Variants in FGFR2 observed in about 807,000 individuals in gnomAD.
FGFR2 encodes the protein BEK fibroblast growth factor receptor.
Under a neutral mutation model 95.9 loss-of-function variants are expected in FGFR2, and 19 were observed. The observed-to-expected ratio is 0.20, with a 90% CI of 0.14 to 0.29. The LOEUF (loss-of-function observed/expected upper bound fraction) is 0.29. Among genes scored for constraint, FGFR2 ranks in the 10% least tolerant of loss-of-function variants. FGFR2 has a pLI of 1.00. For synonymous variants in FGFR2, 392 were observed against 393.3 expected (o/e 1.00, Z 0.04); for missense variants, 707 against 1,056.9 (o/e 0.67, Z 4.59).
In FGFR2 at chr10:121,487,383, A is replaced by G. The variant is rs766703071; in HGVS notation, c.2028T>C (p.Phe676=). Residue 676 remains phenylalanine (F), a synonymous_variant, in exon 15 of 18, where the codon TTT becomes TTC. Coordinates refer to ENST00000358487, the MANE Select transcript of FGFR2 (RefSeq NM_000141.5). ...PVKWMAPEAL[F]DRVYTHQSDV... ...CACTCTGATGAGTGTATACTCTATC[A>G]AACAGGGCTTCTGGAGCCATCCACT... The G allele has an allele frequency of 2.5e-5, 40 of 1,614,110 alleles. No homozygotes were observed. Among genetic ancestry groups the G allele is most frequent in the Non-Finnish European group, 3.4e-5 (40 of 1,180,038 alleles).
At chr10:121,524,756 G>A (rs1001526396) in intron 6 of FGFR2, among the ~76,000 whole-genome samples, 3 of 152,168 alleles carry the variant, frequency 2.0e-5, no homozygotes, top group African/African-American at 7.2e-5. Flanking sequence ...CCCCCTTCGT[G>A]GCCTGGCCCA....
At chr10:121,495,486 C>T (rs923012916) in intron 13 of FGFR2, among the ~76,000 whole-genome samples, 7 of 152,118 alleles carry the variant, frequency 4.6e-5, no homozygotes, top group Non-Finnish European at 7.3e-5. Flanking sequence ...TGTGATTATG[C>T]CACGGCACTC....
At chr10:121,587,236 A>G (rs2135420235) in intron 2 of FGFR2, among the ~76,000 whole-genome samples, 1 of 152,288 alleles carries the variant, frequency 6.6e-6, no homozygotes, top group East Asian at 1.9e-4. Context: ...CCTTCCTTAT[A>G]CCATATACAA....
At chr10:121,537,328 C>G (rs1055428455) in intron 6 of FGFR2, among the ~76,000 whole-genome samples, 6 of 152,232 alleles carry the variant, frequency 3.9e-5, no homozygotes, top group African/African-American at 1.4e-4. Flanking sequence ...CTTTCTAAGG[C>G]AGAGTGTCTC....
intron 13 of FGFR2, among the ~76,000 whole-genome samples, chr10:121,490,071 A>T (rs979766710): frequency 2.0e-5 from 3 of 152,064 alleles, no homozygotes; most frequent in Non-Finnish European, 4.4e-5. Context: ...GAAATATTAA[A>T]TACTTGCTGC....
At chr10:121,528,238 AT>A (rs1182581955) in intron 6 of FGFR2, among the ~76,000 whole-genome samples, 1 of 152,208 alleles carries the variant, frequency 6.6e-6, no homozygotes, top group Non-Finnish European at 1.5e-5. Flanking sequence ...ACCTTTACAA[AT>A]CTGTCCTAGA....
At chr10:121,575,140 A>G (rs912193704) in intron 2 of FGFR2, among the ~76,000 whole-genome samples, 1 of 152,096 alleles carries the variant, frequency 6.6e-6, no homozygotes, top group African/African-American at 2.4e-5. Flanking sequence ...ATTTAGGCAC[A>G]CCCCTCATAT....
chr10:121,538,769 A>C, intron 5 of FGFR2, 54 bp from the exon 6 acceptor site: 1 of 1,611,532 alleles, frequency 6.2e-7, no homozygotes, highest in Non-Finnish European at 8.5e-7. Context: ...CAGAATACCA[A>C]GTACTGTGCT....
chr10:121,568,478 C>T (rs749706138), intron 2 of FGFR2, among the ~76,000 whole-genome samples: 15 of 152,222 alleles, frequency 9.9e-5, no homozygotes, highest in African/African-American at 3.4e-4. Context: ...CCAGGGCAGC[C>T]GCTGAGCAGA....
At chr10:121,527,854 C>T (rs1432091699) in intron 6 of FGFR2, 1 of 152,246 alleles carries the variant, frequency 6.6e-6, no homozygotes, top group South Asian at 2.1e-4. Flanking sequence ...GAGGTAAACA[C>T]AGCTGAGAGC....
chr10:121,523,224 T>C (rs1369774048), intron 6 of FGFR2, among the ~76,000 whole-genome samples: 1 of 152,196 alleles, frequency 6.6e-6, no homozygotes, highest in Non-Finnish European at 1.5e-5. Context: ...ATATTGCCCA[T>C]GTAGGCTGAG....
intron 8 of FGFR2, among the ~76,000 whole-genome samples, chr10:121,516,853 A>T (rs1849759090): frequency 6.6e-6 from 1 of 152,218 alleles, no homozygotes; most frequent in South Asian, 2.1e-4. Context: ...TGCATCTGAC[A>T]TTCAGAGGTG....
At chr10:121,492,021 C>CA (rs1257186952) in intron 13 of FGFR2, among the ~76,000 whole-genome samples, 1 of 151,230 alleles carries the variant, frequency 6.6e-6, no homozygotes, top group Non-Finnish European at 1.5e-5. Context: ...CCGTCTCTAC[C>CA]AAAAAATAGC....
chr10:121,487,594 C>T (rs1845587851), intron 14 of FGFR2, among the ~76,000 whole-genome samples, 170 bp from the exon 15 acceptor site: 1 of 152,214 alleles, frequency 6.6e-6, no homozygotes, highest in Admixed American at 6.5e-5. Flanking sequence ...GTGAGATGCA[C>T]AGGTCTGGGC....
intron 2 of FGFR2, among the ~76,000 whole-genome samples, chr10:121,575,907 C>T (rs1047147607): frequency 6.6e-6 from 1 of 151,148 alleles, no homozygotes; most frequent in African/African-American, 2.4e-5. Flanking sequence ...AATAAAAGGC[C>T]GGGCGCAGTG....
chr10:121,573,557 G>A (rs1859193458), intron 2 of FGFR2, among the ~76,000 whole-genome samples: 1 of 152,028 alleles, frequency 6.6e-6, no homozygotes, highest in South Asian at 2.1e-4. Context: ...AGAGGGAGAG[G>A]GGGAAAAAGG....
chr10:121,532,140 G>C (rs1221464560), intron 6 of FGFR2, among the ~76,000 whole-genome samples: 2 of 152,194 alleles, frequency 1.3e-5, no homozygotes, highest in African/African-American at 4.8e-5. Context: ...TGGCAGCAAA[G>C]TCAGGAGTAT....
At chr10:121,507,811 G>A (rs1848521332) in intron 9 of FGFR2, among the ~76,000 whole-genome samples, 1 of 152,158 alleles carries the variant, frequency 6.6e-6, no homozygotes, top group Admixed American at 6.5e-5. Context: ...GGGTAACTTG[G>A]AGCGTTTGGA....
chr10:121,546,995 A>T (rs1228722942), intron 5 of FGFR2, among the ~76,000 whole-genome samples: 1 of 152,196 alleles, frequency 6.6e-6, no homozygotes, highest in Non-Finnish European at 1.5e-5. Flanking sequence ...GAGGCCAAGG[A>T]GGGTGGACCA....
Sources: allele counts gnomAD v4.1 joint callset (sites outside exome capture counted in the v4.1 genomes callset), GRCh38; gene constraint gnomAD v4.1.1; transcripts MANE v1.5; gene names NCBI Gene and HGNC (gene_info 2026-07-23, HGNC 2026-07-21).